EDIL3: variants seen among roughly 807,000 people sequenced by gnomAD.
The protein encoded by EDIL3 is EGF like and discoidin domains 3, also known as EGF-like repeat and discoidin I-like domain-containing protein 3.
Under a neutral mutation model 67.4 loss-of-function variants are expected in EDIL3, and 37 were observed. That is an observed-to-expected ratio of 0.55 (90% CI 0.42 to 0.72). The LOEUF (loss-of-function observed/expected upper bound fraction) is 0.72, where lower values mean the gene tolerates loss of function less well. EDIL3 is among the 30% of genes least tolerant of loss of function. The pLI, the probability that EDIL3 is intolerant of heterozygous loss-of-function variation, is 0.00. For synonymous variants in EDIL3, 195 were observed against 196.3 expected (o/e 0.99, Z 0.05); for missense variants, 527 against 586.3 (o/e 0.90, Z 1.04).
chr5:84,188,195 T>A (rs1743505502), intron 3 of EDIL3, among the ~76,000 whole-genome samples: 1 of 151,982 alleles, frequency 6.6e-6, no homozygotes, highest in South Asian at 2.1e-4. Flanking sequence ...GCTTTAGAGG[T>A]CTTTGTCCTT....
At chr5:84,130,242 T>C (rs1747938200) in intron 5 of EDIL3, among the ~76,000 whole-genome samples, 2 of 152,184 alleles carry the variant, frequency 1.3e-5, no homozygotes, top group African/African-American at 4.8e-5. Flanking sequence ...AAATAATACA[T>C]AATTCTTTTT....
intron 4 of EDIL3, among the ~76,000 whole-genome samples, chr5:84,177,413 C>T (rs552419763): frequency 1.1e-4 from 16 of 152,102 alleles, no homozygotes; most frequent in Non-Finnish European, 2.1e-4. Flanking sequence ...TAAAAAGATC[C>T]GTGGCAAAGG....
chr5:84,217,935 T>A (rs2112396792), intron 3 of EDIL3, among the ~76,000 whole-genome samples: 1 of 152,300 alleles, frequency 6.6e-6, no homozygotes, highest in Admixed American at 6.5e-5. Context: ...TGGGTTTAAT[T>A]TCTGGCTTGT....
intron 2 of EDIL3, among the ~76,000 whole-genome samples, chr5:84,246,933 C>G (rs1050269462): frequency 6.6e-6 from 1 of 152,028 alleles, no homozygotes; most frequent in African/African-American, 2.4e-5. Context: ...AAAATTAGTA[C>G]GAAAACTTTC....
intron 1 of EDIL3, among the ~76,000 whole-genome samples, chr5:84,269,286 T>C (rs1745414762): frequency 1.3e-5 from 2 of 152,322 alleles, no homozygotes; most frequent in Admixed American, 1.3e-4. Flanking sequence ...TGTAGTTCTA[T>C]ACTATTGGAC....
intron 9 of EDIL3, among the ~76,000 whole-genome samples, chr5:84,029,745 A>C (rs1745883034): frequency 6.6e-6 from 1 of 152,210 alleles, no homozygotes; most frequent in Non-Finnish European, 1.5e-5. Flanking sequence ...TGTATCTACA[A>C]GTCAGAGGCA....
intron 1 of EDIL3, among the ~76,000 whole-genome samples, chr5:84,326,584 G>T (rs1217652077): frequency 1.3e-5 from 2 of 151,746 alleles, no homozygotes; most frequent in East Asian, 3.9e-4. Context: ...GAAAAAAAAA[G>T]TTGGATGTAA....
intron 6 of EDIL3, among the ~76,000 whole-genome samples, chr5:84,094,387 A>G (rs1422245644): frequency 6.6e-6 from 1 of 152,200 alleles, no homozygotes; most frequent in African/African-American, 2.4e-5. Flanking sequence ...AGTTTAGTAT[A>G]TATTGGCATG....
intron 9 of EDIL3, among the ~76,000 whole-genome samples, chr5:83,990,496 AAAAAGAAAG>A (rs1745130972): frequency 6.6e-6 from 1 of 151,362 alleles, no homozygotes; most frequent in South Asian, 2.1e-4. Flanking sequence ...AAAAAAAAAA[AAAAAGAAAG>A]AAAAGAAACC....
chr5:84,096,900 T>C (rs1747274493), intron 6 of EDIL3, among the ~76,000 whole-genome samples: 2 of 152,172 alleles, frequency 1.3e-5, no homozygotes, highest in Admixed American at 6.5e-5. Context: ...AGTTACAAGA[T>C]CTGATAGTTT....
intron 10 of EDIL3, among the ~76,000 whole-genome samples, chr5:83,955,466 G>C (rs1187252828): frequency 6.6e-6 from 1 of 151,488 alleles, no homozygotes; most frequent in South Asian, 2.1e-4. Context: ...AACTTTAAGG[G>C]AGTTTATCAA....
chr5:84,014,617 C>T (rs903714004), intron 9 of EDIL3, among the ~76,000 whole-genome samples: 1 of 152,156 alleles, frequency 6.6e-6, no homozygotes, highest in African/African-American at 2.4e-5. Context: ...TGCACTCCAG[C>T]CTGGAGACAG....
chr5:84,362,698 T>C (rs1383544595), intron 1 of EDIL3, among the ~76,000 whole-genome samples: 2 of 152,078 alleles, frequency 1.3e-5, no homozygotes, highest in African/African-American at 2.4e-5. Context: ...TATCCCCAAA[T>C]CAATTGACAT....
intron 9 of EDIL3, among the ~76,000 whole-genome samples, chr5:83,966,456 C>A (rs577645968): frequency 5.3e-5 from 8 of 151,936 alleles, no homozygotes; most frequent in Non-Finnish European, 1.0e-4. Context: ...TTTTCCTTGA[C>A]ACAGTGTCAA....
chr5:84,182,469 T>TC (rs1749030210), intron 3 of EDIL3, among the ~76,000 whole-genome samples: 1 of 150,926 alleles, frequency 6.6e-6, no homozygotes, highest in African/African-American at 2.4e-5. Flanking sequence ...AAACTAAACT[T>TC]TAAAAAAAAC....
Position 84,384,535 on chromosome 5 carries a change from G to T in EDIL3, c.-161C>A. 1.6e-6 allele frequency: 1 copy of T among 638,302 alleles called. No homozygotes were observed. Among genetic ancestry groups the T allele is most frequent in the Non-Finnish European group, 2.6e-6 (1 of 382,112 alleles). The allele number at this position is 638,302 out of a possible 1,614,324, so 39.5% of individuals were successfully genotyped here. A position where few individuals can be genotyped will look rare whatever the true frequency, so the allele number is the denominator to read the frequency against. ...CTTTGTTAAACAAATTCTTGGAGAG[G>T]GCGAGAGTGGTGACTAAAGAGAGGA... On this transcript the variant is annotated 5_prime_UTR_variant, in exon 1 of 11. Transcript: ENST00000296591.
chr5:84,063,810 C>T (rs963615770), intron 8 of EDIL3, among the ~76,000 whole-genome samples: 7 of 152,070 alleles, frequency 4.6e-5, no homozygotes, highest in Admixed American at 1.3e-4. Flanking sequence ...CACTAAAAAG[C>T]GGAGCACACA....
chr5:83,981,466 G>C (rs896863975), intron 9 of EDIL3, among the ~76,000 whole-genome samples: 12 of 151,848 alleles, frequency 7.9e-5, no homozygotes, highest in African/African-American at 2.9e-4. Flanking sequence ...TGAACTCCAG[G>C]GATGGAATGA....
At chr5:84,339,580 G>T (rs1747057084) in intron 1 of EDIL3, among the ~76,000 whole-genome samples, 1 of 149,864 alleles carries the variant, frequency 6.7e-6, no homozygotes, top group South Asian at 2.2e-4. Context: ...TATTCCCTGA[G>T]GTATACTGTG....
Sources: gnomAD v4.1 joint callset for allele counts (sites outside exome capture counted in the v4.1 genomes callset) on GRCh38, gnomAD v4.1.1 for gene constraint, MANE v1.5 for transcripts, NCBI Gene and HGNC (gene_info 2026-07-23, HGNC 2026-07-21) for gene names.